The following DEAF1 variants were observed in gnomAD, a reference collection of about 807,000 sequenced individuals.
DEAF1 encodes the protein DEAF1 transcription factor, also known as deformed epidermal autoregulatory factor 1 homolog.
DEAF1 carries 53 observed loss-of-function variants against 58.9 expected under a neutral mutation model. The observed-to-expected ratio is 0.90, with a 90% confidence interval of 0.72 to 1.13. The LOEUF is 1.13. DEAF1 is among the 50% of genes most tolerant of loss of function. The pLI, the probability that DEAF1 is intolerant of heterozygous loss-of-function variation, is 0.00. For synonymous variants in DEAF1, 385 were observed against 340.4 expected, an observed-to-expected ratio of 1.13 and a Z score of -1.44; for missense variants, 685 against 791.4, an observed-to-expected ratio of 0.87 and a Z score of 1.61.
intron 10 of DEAF1, chr11:674,304 C>T (rs1249732875): frequency 1.7e-6 from 1 of 575,932 alleles, no homozygotes; most frequent in Non-Finnish European, 3.1e-6. Flanking sequence ...GTTTCCCTTT[C>T]TGAAACAAAG....
upstream of DEAF1, chr11:695,876 G>T: frequency 8.2e-7 from 1 of 1,223,350 alleles, no homozygotes; most frequent in Non-Finnish European, 1.0e-6. Flanking sequence ...GGGCTTCCGG[G>T]CTTGCAGCGG....
At chr11:655,643 C>T (rs1426290423) in intron 10 of DEAF1, among the ~76,000 whole-genome samples, 1 of 152,200 alleles carries the variant, frequency 6.6e-6, no homozygotes. Flanking sequence ...CCCCTGCACG[C>T]GTGCAGACCT....
chr11:650,842 C>T (rs1450056736), intron 11 of DEAF1, among the ~76,000 whole-genome samples: 2 of 151,908 alleles, frequency 1.3e-5, no homozygotes, highest in Admixed American at 6.6e-5. Context: ...TAGAGGCTGC[C>T]GTGAGTCAAG....
At chr11:702,808 C>T in intron 1 of DEAF1, 2 of 819,434 alleles carry the variant, frequency 2.4e-6, no homozygotes, top group East Asian at 2.7e-5. Context: ...GAGGCTGTTT[C>T]CCTGGAATTC....
chr11:673,366 A>T (rs1859916988), intron 10 of DEAF1, among the ~76,000 whole-genome samples: 1 of 151,876 alleles, frequency 6.6e-6, no homozygotes, highest in Admixed American at 6.6e-5. Flanking sequence ...GTCTCTACCA[A>T]AAATACAGAA....
chr11:700,588 T>A (rs759989462), intron 1 of DEAF1: 1 of 1,594,324 alleles, frequency 6.3e-7, no homozygotes, highest in Non-Finnish European at 8.6e-7. Context: ...AGGTTACTTA[T>A]GTTCCGTCCG....
In DEAF1 at chr11:686,984, C is replaced by T; in HGVS notation, c.678G>A (p.Arg226=). Residue 226 remains arginine (R), a synonymous_variant, in exon 5 of 12, where the codon CGG becomes CGA. Transcript: ENST00000382409. The part of the protein sequence containing the change: ...KNRLGSGGRG[R]CIKQGENWYS... ...ACCAGTTCTCCCCCTGCTTGATGCA[C>T]CGTCCCCGGCCGCCTGCAAGGAAGG... 1 of 1,614,150 alleles carries T rather than the reference C, an allele frequency of 6.2e-7. No individual in the cohort carries two copies. Among genetic ancestry groups the T allele is most frequent in the Non-Finnish European group, 8.5e-7 (1 of 1,180,046 alleles).
chr11:653,928 CGGG>C lies in DEAF1; in HGVS notation c.1593+31_1593+33del, dbSNP rs1564925219. On this transcript the variant is annotated intron_variant, in intron 11 of 11. Coordinates refer to ENST00000382409, the MANE Select transcript of DEAF1 (RefSeq NM_021008.4). ...GGGGTCTTCGTAGCGAGGGAGGAGG[CGGG>C]GGCACTGAGCCTGGTGTAGGTGAGA... 3 of 1,597,222 alleles carry C rather than the reference CGGG, an allele frequency of 1.9e-6. No homozygotes were observed. The East Asian group carries it at 6.7e-5, about 36-fold the overall frequency.
At chr11:701,633 T>A (rs562039285) in intron 1 of DEAF1, among the ~76,000 whole-genome samples, 2 of 152,044 alleles carry the variant, frequency 1.3e-5, no homozygotes, top group African/African-American at 2.4e-5. Context: ...ATGGTTTCCA[T>A]CTCCTGACCT....
intron 11 of DEAF1, 145 bp downstream of exon 11, chr11:653,817 G>T: frequency 1.3e-6 from 1 of 755,018 alleles, no homozygotes; most frequent in Non-Finnish European, 2.4e-6. Flanking sequence ...CACGGAGCCA[G>T]GCAGGAGCCC....
rs1028419072 is a variant in DEAF1, at chr11:654,111, C to T, written c.1504-60G>A. 4.8e-5 allele frequency: 69 copies of T among 1,430,682 alleles called. 1 individual carries two copies. In the South Asian group the frequency reaches 6.5e-4, roughly 13 times the overall value. The allele number at this position is 1,430,682 out of a possible 1,614,324, so 88.6% of individuals were successfully genotyped here. A position where few individuals can be genotyped will look rare whatever the true frequency, so the allele number is the denominator to read the frequency against. ...TGGCCGTGGAGAGCCCCTGAGACAC[C>T]GGGGACAGAGGCAGGTGCAGGCAGG... On this transcript the variant is annotated intron_variant, in intron 10 of 11. Coordinates refer to ENST00000382409, the MANE Select transcript of DEAF1 (RefSeq NM_021008.4).
chr11:696,612 G>C (rs12278596), upstream of DEAF1, among the ~76,000 whole-genome samples: 4,600 of 140,752 alleles, frequency 0.033, 79 homozygotes, highest in Middle Eastern at 0.079. Context: ...AAAAAAAACT[G>C]TAAACATCAG....
At chr11:660,836 A>G (rs1047233166) in intron 10 of DEAF1, among the ~76,000 whole-genome samples, 1 of 152,170 alleles carries the variant, frequency 6.6e-6, no homozygotes, top group African/African-American at 2.4e-5. Flanking sequence ...CTTCAAGGAA[A>G]TGTCACTGAA....
chr11:703,186 C>A (rs754974591), intron 1 of DEAF1: 4 of 1,566,698 alleles, frequency 2.6e-6, no homozygotes, highest in Non-Finnish European at 2.6e-6. Context: ...CTGGGGCCCT[C>A]CTCCTGGGCC....
At chr11:681,148 G>C (rs997403136) in intron 6 of DEAF1, 59 bp from the exon 7 acceptor site, 205 of 1,611,334 alleles carry the variant, frequency 1.3e-4, no homozygotes, top group Non-Finnish European at 2.2e-5. Flanking sequence ...TGCTGCGCTT[G>C]CAACTCCTCC....
rs561533372 is a variant in DEAF1, at chr11:670,663, C to T, written c.1503+3873G>A. Among the ~76,000 whole-genome samples, 251 of 151,130 alleles carry T rather than the reference C, an allele frequency of 1.7e-3. 2 individuals are homozygous for T. Among genetic ancestry groups the T allele is most frequent in the African/African-American group, 5.8e-3 (239 of 41,246 alleles). On this transcript the variant is annotated intron_variant, in intron 10 of 11. Coordinates refer to ENST00000382409, the MANE Select transcript of DEAF1 (RefSeq NM_021008.4). ...CTGGGAGATGGAGGCTGCAGTGAGC[C>T]GAGATCACACCACTGCACTCTAGCC...
chr11:649,832 C>A (rs1858679578), intron 11 of DEAF1, among the ~76,000 whole-genome samples: 1 of 151,894 alleles, frequency 6.6e-6, no homozygotes, highest in African/African-American at 2.4e-5. Context: ...TCGAGACCAG[C>A]CTTGCCAACA....
At chr11:695,959 T>TCG, upstream of DEAF1, 1 of 844,718 alleles carries the variant, frequency 1.2e-6, no homozygotes, top group Non-Finnish European at 1.6e-6. Flanking sequence ...TGCCACCGTC[T>TCG]CTACGTGAGC....
In DEAF1 at chr11:681,009, GT is replaced by G; in HGVS notation, c.950del (p.Asp317AlafsTer19). On this transcript the variant is annotated frameshift_variant, in exon 7 of 12. Coordinates refer to ENST00000382409, the MANE Select transcript of DEAF1 (RefSeq NM_021008.4). LOFTEE classifies it high-confidence loss of function. ...NELPTTPVKK[D>X]SPKNITLLPA... ...GAAGCAATGTGATGTTCTTGGGGGA[GT>G]CCTTCTTCACGGGAGTTGTGGGCAG... The G allele has an allele frequency of 6.2e-7, 1 of 1,614,198 alleles. No individual in the cohort carries two copies. Among genetic ancestry groups the G allele is most frequent in the Non-Finnish European group, 8.5e-7 (1 of 1,180,032 alleles).
Sources: gnomAD v4.1 joint callset for allele counts (sites outside exome capture counted in the v4.1 genomes callset) on GRCh38, gnomAD v4.1.1 for gene constraint, MANE v1.5 for transcripts, NCBI Gene and HGNC (gene_info 2026-07-23, HGNC 2026-07-21) for gene names.